The following TMPRSS11E variants were observed in gnomAD, a reference collection of about 807,000 sequenced individuals.
The protein encoded by TMPRSS11E is transmembrane protease serine 11E.
Under a neutral mutation model 48.1 loss-of-function variants are expected in TMPRSS11E, and 38 were observed. That is an observed-to-expected ratio of 0.79 (90% CI 0.61 to 1.04). The LOEUF is 1.04. Ranked by LOEUF, TMPRSS11E falls within the 50% of genes least tolerant of loss-of-function variation. The pLI, the probability that TMPRSS11E is intolerant of heterozygous loss-of-function variation, is 0.00. For missense variants in TMPRSS11E, 530 were observed against 510.8 expected (o/e 1.04, Z -0.36); for synonymous variants, 158 against 171.9 (o/e 0.92, Z 0.63).
chr4:68,477,246 T>C, intron 7 of TMPRSS11E, 123 bp from the exon 8 acceptor site: 1 of 974,260 alleles, frequency 1.0e-6, no homozygotes, highest in Non-Finnish European at 1.5e-6. Context: ...TTGGAAAGAG[T>C]TCTATACATC....
chr4:68,468,685 C>T (rs1728984600), intron 3 of TMPRSS11E, among the ~76,000 whole-genome samples, 194 bp from the exon 4 acceptor site: 1 of 152,038 alleles, frequency 6.6e-6, no homozygotes, highest in African/African-American at 2.4e-5. Context: ...TCCTATCATT[C>T]CTAAGACAGC....
At chr4:68,494,099 T>TA (rs1169254956) in intron 9 of TMPRSS11E, among the ~76,000 whole-genome samples, 1 of 147,236 alleles carries the variant, frequency 6.8e-6, no homozygotes, top group African/African-American at 2.5e-5. Flanking sequence ...AGATCTCAGA[T>TA]AAAGTTTTTA....
intron 1 of TMPRSS11E, among the ~76,000 whole-genome samples, chr4:68,457,752 A>G (rs974736416): frequency 6.6e-6 from 1 of 152,162 alleles, no homozygotes; most frequent in Non-Finnish European, 1.5e-5. Flanking sequence ...CTATGCAGCC[A>G]TAAAAGAGGA....
At position 68,496,837 on chromosome 4, in the gene TMPRSS11E, T is replaced by C. The variant is rs1729884558; in HGVS notation, c.*33T>C. ...AAGCCTCATGGAACAGATAACATTT[T>C]TTTTTGTTTTTTGGGTGTGGAGGCC... On this transcript the variant is annotated 3_prime_UTR_variant, in exon 10 of 10. Coordinates refer to ENST00000305363, the MANE Select transcript of TMPRSS11E (RefSeq NM_014058.4). 6.4e-7 allele frequency: 1 copy of C among 1,567,836 alleles called. No homozygotes were observed. Among genetic ancestry groups the C allele is most frequent in the East Asian group, 2.3e-5 (1 of 44,232 alleles).
intron 9 of TMPRSS11E, among the ~76,000 whole-genome samples, chr4:68,480,249 A>T (rs1159069540): frequency 6.6e-6 from 1 of 152,082 alleles, no homozygotes; most frequent in Non-Finnish European, 1.5e-5. Flanking sequence ...TTCCTTCTGG[A>T]ACTCTAACCA....
chr4:68,477,696 G>A, intron 8 of TMPRSS11E, 68 bp downstream of exon 8: 1 of 1,554,942 alleles, frequency 6.4e-7, no homozygotes, highest in East Asian at 2.3e-5. Context: ...GCAATGAAAT[G>A]CCATTATGCC....
At chr4:68,460,095 G>A (rs1728747703) in intron 1 of TMPRSS11E, among the ~76,000 whole-genome samples, 1 of 152,142 alleles carries the variant, frequency 6.6e-6, no homozygotes, top group Non-Finnish European at 1.5e-5. Context: ...TTACGGCCCC[G>A]TGGAAAAATC....
Position 68,476,447 on chromosome 4 carries a change from T to C in TMPRSS11E, c.707+9T>C, listed in dbSNP as rs1729222578. The C allele has an allele frequency of 6.3e-7, 1 of 1,598,256 alleles. No individual in the cohort carries two copies. The highest frequency in any genetic ancestry group is 1.7e-5 in the Admixed American group (1 of 58,584). On this transcript the variant is annotated intron_variant, in intron 7 of 9. Transcript: ENST00000305363. The stretch of plus-strand genomic sequence containing the variant: ...GCTCACTGTTTTACAACGTAAGTCT[T>C]GAAGCTTGAGAATGATTGGGAGTGA...
chr4:68,485,893 C>T (rs1729539046), intron 9 of TMPRSS11E, among the ~76,000 whole-genome samples: 1 of 151,940 alleles, frequency 6.6e-6, no homozygotes, highest in Non-Finnish European at 1.5e-5. Flanking sequence ...TTTGTGTTTC[C>T]AAGAATTTAT....
chr4:68,483,052 G>A (rs1372457267), intron 9 of TMPRSS11E, among the ~76,000 whole-genome samples: 3 of 152,160 alleles, frequency 2.0e-5, no homozygotes, highest in Non-Finnish European at 2.9e-5. Context: ...GTGTTAGGCT[G>A]TTCTTGCATT....
Position 68,453,280 on chromosome 4 carries a change from T to A in TMPRSS11E, c.11+5757T>A, listed in dbSNP as rs554058177. ...GAAGAATCTTCTGAGTTAGGTCTTA[T>A]CATTATCTCCATTTGTGGGTGGGGA... is the stretch of plus-strand genomic sequence containing the variant. On this transcript the variant is annotated intron_variant, in intron 1 of 9. Coordinates refer to ENST00000305363, the MANE Select transcript of TMPRSS11E (RefSeq NM_014058.4). Among the ~76,000 whole-genome samples the A allele has an allele frequency of 2.0e-5, 3 of 151,980 alleles. No homozygotes were observed. The South Asian group carries it at 6.2e-4, about 31-fold the overall frequency.
intron 9 of TMPRSS11E, among the ~76,000 whole-genome samples, chr4:68,489,957 A>G (rs552585501): frequency 6.6e-6 from 1 of 152,302 alleles, no homozygotes; most frequent in East Asian, 1.9e-4. Flanking sequence ...GACTCTGTGC[A>G]GGCTAGAATT....
At chr4:68,477,723 G>A (rs1729271955) in intron 8 of TMPRSS11E, 95 bp downstream of exon 8, 1 of 1,469,376 alleles carries the variant, frequency 6.8e-7, no homozygotes, top group Admixed American at 1.8e-5. Flanking sequence ...TGTTAGTTGT[G>A]TGGTCATATG....
At chr4:68,461,403 G>T (rs145386370) in intron 1 of TMPRSS11E, among the ~76,000 whole-genome samples, 1,850 of 152,242 alleles carry the variant, frequency 0.012, 16 homozygotes, top group Middle Eastern at 0.024. Flanking sequence ...TAGAGAAAAG[G>T]CTTAAAATAT....
intron 9 of TMPRSS11E, among the ~76,000 whole-genome samples, chr4:68,482,203 C>T (rs1431121284): frequency 6.6e-6 from 1 of 151,750 alleles, no homozygotes; most frequent in Non-Finnish European, 1.5e-5. Flanking sequence ...TCCGATCTCA[C>T]AAGAGCTCAC....
intron 1 of TMPRSS11E, among the ~76,000 whole-genome samples, chr4:68,456,545 C>G (rs977621134): frequency 1.9e-4 from 29 of 151,784 alleles, no homozygotes; most frequent in Non-Finnish European, 8.8e-5. Context: ...TTTTTATAGT[C>G]CTGTTCTAGA....
chr4:68,461,246 G>T (rs578079570), intron 1 of TMPRSS11E, among the ~76,000 whole-genome samples: 1 of 152,280 alleles, frequency 6.6e-6, no homozygotes, highest in South Asian at 2.1e-4. Flanking sequence ...TTAGGAAGGG[G>T]CCTCTGGTTG....
At chr4:68,494,742 G>A (rs1729821907) in intron 9 of TMPRSS11E, among the ~76,000 whole-genome samples, 1 of 152,198 alleles carries the variant, frequency 6.6e-6, no homozygotes, top group Non-Finnish European at 1.5e-5. Context: ...AGCTTGCACA[G>A]TGTAGGCAGG....
intron 4 of TMPRSS11E, among the ~76,000 whole-genome samples, chr4:68,469,497 CAGAATA>C (rs1309099129): frequency 1.3e-5 from 2 of 151,864 alleles, no homozygotes; most frequent in African/African-American, 4.8e-5. Flanking sequence ...TATTAAAAAA[CAGAATA>C]AGAATTATTT....
Sources: allele counts gnomAD v4.1 joint callset (sites outside exome capture counted in the v4.1 genomes callset), GRCh38; gene constraint gnomAD v4.1.1; transcripts MANE v1.5; gene names NCBI Gene and HGNC (gene_info 2026-07-23, HGNC 2026-07-21).